CA10: variants seen among roughly 807,000 people sequenced by gnomAD.
CA10 encodes carbonic anhydrase-related protein 10.
Under a neutral mutation model 44.2 loss-of-function variants are expected in CA10, and 14 were observed. The observed-to-expected ratio is 0.32, with a 90% CI of 0.21 to 0.50. The LOEUF is 0.50. CA10 is among the 20% of genes least tolerant of loss of function. CA10 has a pLI of 0.99. For missense variants in CA10, 350 were observed against 409.7 expected, an observed-to-expected ratio of 0.85 and a Z score of 1.26; for synonymous variants, 159 against 141.6, an observed-to-expected ratio of 1.12 and a Z score of -0.87.
At chr17:51,641,487 G>A (rs1351511263) in intron 6 of CA10, among the ~76,000 whole-genome samples, 4 of 152,174 alleles carry the variant, frequency 2.6e-5, no homozygotes, top group African/African-American at 7.2e-5. Context: ...AATTTTGTAT[G>A]TGTTGGCTGT....
chr17:52,099,148 T>C (rs969134485), intron 1 of CA10, among the ~76,000 whole-genome samples: 2 of 151,926 alleles, frequency 1.3e-5, no homozygotes, highest in Admixed American at 6.6e-5. Flanking sequence ...ACGCCATGTA[T>C]AGATAATAAG....
intron 2 of CA10, among the ~76,000 whole-genome samples, chr17:51,959,324 G>A (rs1983794468): frequency 7.3e-6 from 1 of 136,968 alleles, no homozygotes; most frequent in Admixed American, 7.8e-5. Flanking sequence ...GTGTGTGTGT[G>A]TGAATCGTCA....
chr17:51,778,624 G>A (rs1158213), intron 3 of CA10, among the ~76,000 whole-genome samples: 108,040 of 152,112 alleles, frequency 0.71, 38,517 homozygotes, highest in East Asian at 0.85. Flanking sequence ...ACACCTTTAC[G>A]CAGAGGAAAT....
chr17:51,823,885 C>CA (rs1427083010), intron 3 of CA10, among the ~76,000 whole-genome samples: 2 of 152,218 alleles, frequency 1.3e-5, no homozygotes, highest in African/African-American at 2.4e-5. Flanking sequence ...ATAACTGTCT[C>CA]ACTTATTCCT....
At chr17:51,900,917 G>C (rs968949422) in intron 3 of CA10, among the ~76,000 whole-genome samples, 2 of 152,170 alleles carry the variant, frequency 1.3e-5, no homozygotes, top group East Asian at 3.9e-4. Flanking sequence ...GAATCATTTT[G>C]TTATATTCCT....
chr17:51,897,953 A>G (rs1219057388), intron 3 of CA10, among the ~76,000 whole-genome samples: 3 of 152,184 alleles, frequency 2.0e-5, no homozygotes, highest in Admixed American at 6.5e-5. Flanking sequence ...TATCAGATCT[A>G]GGAGCTTTTG....
chr17:51,743,197 A>G (rs1904533192), intron 4 of CA10, among the ~76,000 whole-genome samples: 1 of 152,212 alleles, frequency 6.6e-6, no homozygotes, highest in African/African-American at 2.4e-5. Flanking sequence ...AGGATTTTTA[A>G]ATGAACTTGT....
chr17:51,860,396 G>T (rs1262372445), intron 3 of CA10, among the ~76,000 whole-genome samples: 2 of 152,188 alleles, frequency 1.3e-5, no homozygotes, highest in East Asian at 3.8e-4. Flanking sequence ...CCAGGAAACT[G>T]AATGGCTGGA....
chr17:51,831,982 G>C (rs1235549198), intron 3 of CA10, among the ~76,000 whole-genome samples: 4 of 152,152 alleles, frequency 2.6e-5, no homozygotes, highest in Admixed American at 2.6e-4. Context: ...GACAAGATCT[G>C]GCAATGGGAC....
chr17:51,776,368 C>G (rs1265856402), intron 3 of CA10, among the ~76,000 whole-genome samples: 1 of 151,680 alleles, frequency 6.6e-6, no homozygotes, highest in Non-Finnish European at 1.5e-5. Context: ...AGGTGAGACT[C>G]TAAGAAAAGA....
intron 1 of CA10, among the ~76,000 whole-genome samples, chr17:52,087,607 A>G (rs1988151834): frequency 6.6e-6 from 1 of 152,230 alleles, no homozygotes; most frequent in South Asian, 2.1e-4. Context: ...GCTGTCTTCA[A>G]TTCTGTTCTA....
chr17:51,734,669 G>C (rs961144179), intron 4 of CA10, among the ~76,000 whole-genome samples: 1 of 152,134 alleles, frequency 6.6e-6, no homozygotes, highest in African/African-American at 2.4e-5. Flanking sequence ...ACCACCTGGA[G>C]GCCAGGAATG....
chr17:51,685,019 G>C (rs1914961292), intron 4 of CA10, among the ~76,000 whole-genome samples: 1 of 152,150 alleles, frequency 6.6e-6, no homozygotes, highest in South Asian at 2.1e-4. Context: ...TCTCACATGT[G>C]GGTCAAAGGC....
At chr17:52,036,616 C>T (rs991662065) in intron 2 of CA10, among the ~76,000 whole-genome samples, 5 of 152,134 alleles carry the variant, frequency 3.3e-5, no homozygotes, top group Non-Finnish European at 7.3e-5. Context: ...AGCAACATGG[C>T]ATCATGCTTC....
At chr17:51,778,347 C>T (rs1905912573) in intron 3 of CA10, among the ~76,000 whole-genome samples, 1 of 152,186 alleles carries the variant, frequency 6.6e-6, no homozygotes, top group Admixed American at 6.5e-5. Flanking sequence ...AGGCACAGCT[C>T]ACAGCCCTTC....
At chr17:51,690,272 C>T (rs541564506) in intron 4 of CA10, among the ~76,000 whole-genome samples, 10 of 152,226 alleles carry the variant, frequency 6.6e-5, no homozygotes, top group African/African-American at 2.2e-4. Context: ...TTTTTAATAC[C>T]ACAATACATT....
chr17:52,065,359 A>G (rs1177821729), intron 2 of CA10, among the ~76,000 whole-genome samples: 2 of 152,340 alleles, frequency 1.3e-5, no homozygotes, highest in African/African-American at 4.8e-5. Context: ...AGGGTTGAGG[A>G]ACAGCCTTTC....
At chr17:51,889,101 G>C (rs1043213081) in intron 3 of CA10, among the ~76,000 whole-genome samples, 4 of 152,118 alleles carry the variant, frequency 2.6e-5, no homozygotes, top group Non-Finnish European at 5.9e-5. Context: ...ATTCTGTGAG[G>C]GAGAGTCCCA....
chr17:52,079,565 T>C (rs1987911341), intron 1 of CA10, among the ~76,000 whole-genome samples: 1 of 152,182 alleles, frequency 6.6e-6, no homozygotes, highest in Non-Finnish European at 1.5e-5. Context: ...TTGTATATTA[T>C]ACCAACTTGC....
Sources: allele counts gnomAD v4.1 joint callset (sites outside exome capture counted in the v4.1 genomes callset), GRCh38; gene constraint gnomAD v4.1.1; transcripts MANE v1.5; gene names NCBI Gene and HGNC (gene_info 2026-07-23, HGNC 2026-07-21).